Variants in CPNE4 observed in about 807,000 individuals in gnomAD.
CPNE4 encodes the protein copine 4.
In CPNE4, 25 loss-of-function variants were observed where a neutral mutation model predicts 67.9. The observed-to-expected ratio is 0.37, with a 90% CI of 0.27 to 0.51. The LOEUF (loss-of-function observed/expected upper bound fraction) is 0.51, where lower values mean the gene tolerates loss of function less well. Ranked by LOEUF, CPNE4 falls within the 20% of genes least tolerant of loss-of-function variation. The pLI is 0.93. For synonymous variants in CPNE4, 242 were observed against 244.9 expected (o/e 0.99, Z 0.11); for missense variants, 464 against 690.8 (o/e 0.67, Z 3.68).
At chr3:131,948,153 T>A (rs1288839145) in intron 1 of CPNE4, among the ~76,000 whole-genome samples, 1 of 152,196 alleles carries the variant, frequency 6.6e-6, no homozygotes, top group Non-Finnish European at 1.5e-5. Context: ...TTTATATGAT[T>A]TGGCTCTGTG....
In CPNE4 at chr3:131,976,047, T is replaced by A. The variant is rs1464926259; in HGVS notation, c.-2+58520A>T. ...ATATTTAAAAAAAAACTATAGGACT[T>A]TTTTTAAAACTTAATAATCTGTCAA... On this transcript the variant is annotated intron_variant, in intron 1 of 15. Transcript: ENST00000429747. Among the ~76,000 whole-genome samples, 32 of 151,918 alleles carry A rather than the reference T, an allele frequency of 2.1e-4. 1 individual carries two copies. In the East Asian group the frequency reaches 6.0e-3, roughly 28 times the overall value.
intron 7 of CPNE4, among the ~76,000 whole-genome samples, chr3:131,660,679 G>A (rs2080100714): frequency 6.6e-6 from 1 of 152,102 alleles, no homozygotes; most frequent in Non-Finnish European, 1.5e-5. Flanking sequence ...GTGAATTTAG[G>A]CTAGTTATTT....
In CPNE4 at chr3:131,990,893, T is replaced by A. The variant is rs2073161102; in HGVS notation, c.-2+43674A>T. Among the ~76,000 whole-genome samples, 4 of 135,746 alleles carry A rather than the reference T, an allele frequency of 2.9e-5. 1 individual carries two copies. The Admixed American group carries it at 3.3e-4, about 11-fold the overall frequency. 89.1% of individuals were successfully genotyped at this position (135,746 alleles called of 152,430 possible). On this transcript the variant is annotated intron_variant, in intron 1 of 15. Coordinates refer to ENST00000429747, the MANE Select transcript of CPNE4 (RefSeq NM_130808.3). The stretch of plus-strand genomic sequence containing the variant: ...ATCACGGGGGAAGTTACTCCCATGC[T>A]TTCTTGTGACAGTGAATTCTCACAA...
Position 131,761,549 on chromosome 3 carries a change from A to G in CPNE4, c.181-37924T>C, listed in dbSNP as rs147033953. Among the ~76,000 whole-genome samples, 193 of 152,194 alleles carry G rather than the reference A, an allele frequency of 1.3e-3. 1 individual carries two copies. Among genetic ancestry groups the G allele is most frequent in the African/African-American group, 4.5e-3 (189 of 41,558 alleles). The stretch of plus-strand genomic sequence containing the variant: ...GCAGAGGTAGAAACCCACAAAAAGT[A>G]TGGTTCTGGGAGCTTTTATCAATTG... On this transcript the variant is annotated intron_variant, in intron 2 of 15. Transcript: ENST00000429747.
At chr3:131,585,520 C>T (rs781194404) in intron 8 of CPNE4, among the ~76,000 whole-genome samples, 28 of 152,278 alleles carry the variant, frequency 1.8e-4, no homozygotes, top group Non-Finnish European at 2.8e-4. Flanking sequence ...GGAACTTAAA[C>T]GATTTCTCTC....
intron 15 of CPNE4, among the ~76,000 whole-genome samples, chr3:131,536,138 T>C (rs778850048): frequency 6.6e-6 from 1 of 152,032 alleles, no homozygotes; most frequent in Non-Finnish European, 1.5e-5. Context: ...TGGTTGGGCA[T>C]TTGGTTGGAA....
chr3:131,812,795 TAC>T (rs1251364300), intron 2 of CPNE4, among the ~76,000 whole-genome samples: 1 of 152,160 alleles, frequency 6.6e-6, no homozygotes, highest in Non-Finnish European at 1.5e-5. Context: ...GCAAAATACG[TAC>T]AGTGTTGTGG....
At chr3:131,975,923 T>C (rs1201881591) in intron 1 of CPNE4, among the ~76,000 whole-genome samples, 1 of 151,984 alleles carries the variant, frequency 6.6e-6, no homozygotes, top group African/African-American at 2.4e-5. Context: ...AAACAATAAA[T>C]TAAATAATTT....
chr3:131,816,181 T>G (rs1229822190), intron 2 of CPNE4, among the ~76,000 whole-genome samples: 1 of 152,198 alleles, frequency 6.6e-6, no homozygotes, highest in African/African-American at 2.4e-5. Flanking sequence ...TGTGCTTCTA[T>G]GAGCATTTTA....
intron 14 of CPNE4, among the ~76,000 whole-genome samples, chr3:131,547,151 A>G (rs1416738556): frequency 1.3e-5 from 2 of 152,046 alleles, no homozygotes; most frequent in Admixed American, 1.3e-4. Context: ...TTGGTCTATA[A>G]TCCTGAGAAG....
intron 2 of CPNE4, among the ~76,000 whole-genome samples, chr3:131,845,447 T>C (rs935081650): frequency 2.0e-5 from 3 of 152,228 alleles, no homozygotes; most frequent in Non-Finnish European, 4.4e-5. Context: ...TACTATGCAG[T>C]TCTGCCTTCC....
At chr3:131,988,809 G>A (rs2073112898) in intron 1 of CPNE4, among the ~76,000 whole-genome samples, 1 of 152,178 alleles carries the variant, frequency 6.6e-6, no homozygotes, top group African/African-American at 2.4e-5. Context: ...GTTTGACAAT[G>A]ATACCTCTTT....
chr3:131,710,486 A>G (rs1345902675), intron 3 of CPNE4, among the ~76,000 whole-genome samples: 1 of 152,146 alleles, frequency 6.6e-6, no homozygotes, highest in Non-Finnish European at 1.5e-5. Context: ...AAGAACTGCT[A>G]CTCTACCTTT....
intron 2 of CPNE4, among the ~76,000 whole-genome samples, chr3:131,848,751 C>A (rs2086103250): frequency 6.6e-6 from 1 of 151,122 alleles, no homozygotes; most frequent in African/African-American, 2.4e-5. Flanking sequence ...ATGCAAAATT[C>A]TTTAATCACT....
intron 7 of CPNE4, among the ~76,000 whole-genome samples, chr3:131,648,428 G>T (rs552361399): frequency 6.6e-6 from 1 of 152,242 alleles, no homozygotes; most frequent in African/African-American, 2.4e-5. Context: ...ATGGACATCA[G>T]CCTTCCCCAT....
intron 1 of CPNE4, among the ~76,000 whole-genome samples, chr3:132,022,509 G>C (rs758410293): frequency 4.6e-5 from 7 of 151,840 alleles, no homozygotes; most frequent in Non-Finnish European, 8.8e-5. Flanking sequence ...CTGATGCTTG[G>C]ACCTTCCTGC....
intron 2 of CPNE4, among the ~76,000 whole-genome samples, chr3:131,845,986 C>A (rs2085982318): frequency 6.6e-6 from 1 of 152,096 alleles, no homozygotes; most frequent in South Asian, 2.1e-4. Context: ...CTCAATTCTG[C>A]AAAGTTAACT....
intron 3 of CPNE4, among the ~76,000 whole-genome samples, chr3:131,700,520 T>G (rs2081271270): frequency 6.6e-6 from 1 of 152,226 alleles, no homozygotes; most frequent in South Asian, 2.1e-4. Context: ...CATGATTCAA[T>G]GCCAATGCAC....
At chr3:131,802,081 A>G (rs1482502684) in intron 2 of CPNE4, among the ~76,000 whole-genome samples, 1 of 152,136 alleles carries the variant, frequency 6.6e-6, no homozygotes, top group African/African-American at 2.4e-5. Flanking sequence ...AATGCAGAAC[A>G]TGACCAGAAG....
Sources: gnomAD v4.1 joint callset for allele counts (sites outside exome capture counted in the v4.1 genomes callset) on GRCh38, gnomAD v4.1.1 for gene constraint, MANE v1.5 for transcripts, NCBI Gene and HGNC (gene_info 2026-07-23, HGNC 2026-07-21) for gene names.